PARP8: variants seen among roughly 807,000 people sequenced by gnomAD.
PARP8 encodes the protein poly(ADP-ribose) polymerase family member 8, also known as protein mono-ADP-ribosyltransferase PARP8.
Under a neutral mutation model 124.1 loss-of-function variants are expected in PARP8, and 51 were observed. The observed-to-expected ratio is 0.41, with a 90% CI of 0.33 to 0.52. The LOEUF is 0.52. PARP8 is among the 20% of genes least tolerant of loss of function. PARP8 has a pLI of 0.21. For synonymous variants in PARP8, 391 were observed against 361.5 expected (o/e 1.08, Z -0.93); for missense variants, 860 against 1,018.9 (o/e 0.84, Z 2.12).
intron 2 of PARP8, among the ~76,000 whole-genome samples, chr5:50,722,186 A>G (rs1397944222): frequency 6.6e-6 from 1 of 152,228 alleles, no homozygotes; most frequent in Admixed American, 6.6e-5. Flanking sequence ...TTAAAATTAT[A>G]TATAGTTGTT....
At chr5:50,712,885 A>T (rs1754916250) in intron 2 of PARP8, among the ~76,000 whole-genome samples, 1 of 150,202 alleles carries the variant, frequency 6.7e-6, no homozygotes, top group African/African-American at 2.5e-5. Flanking sequence ...GCTTGATTTT[A>T]TTGTGTTTAG....
At chr5:50,748,585 G>T (rs1252198058) in intron 2 of PARP8, among the ~76,000 whole-genome samples, 1 of 152,102 alleles carries the variant, frequency 6.6e-6, no homozygotes, top group Non-Finnish European at 1.5e-5. Flanking sequence ...TTATCTGAAA[G>T]TTGTTTTATT....
At chr5:50,824,073 G>T (rs771120197) in intron 17 of PARP8, among the ~76,000 whole-genome samples, 8 of 152,166 alleles carry the variant, frequency 5.3e-5, no homozygotes, top group Non-Finnish European at 1.0e-4. Flanking sequence ...AAATTGTCAC[G>T]GAGAGATTGC....
intron 2 of PARP8, among the ~76,000 whole-genome samples, chr5:50,696,065 A>G (rs1752992140): frequency 6.6e-6 from 1 of 152,198 alleles, no homozygotes; most frequent in Admixed American, 6.5e-5. Context: ...AGGAGAGAGT[A>G]AAGATTTTGC....
chr5:50,814,418 T>G (rs1744852864), intron 14 of PARP8, among the ~76,000 whole-genome samples: 1 of 152,144 alleles, frequency 6.6e-6, no homozygotes, highest in Non-Finnish European at 1.5e-5. Flanking sequence ...GATGAAGAAC[T>G]TTCTCTACTT....
chr5:50,843,305 A>G lies in PARP8; in HGVS notation c.*1237A>G, dbSNP rs987252404. On this transcript the variant is annotated 3_prime_UTR_variant, in exon 26 of 26. Transcript: ENST00000281631. ...TTGGAATAAGGCCATTCATGAAAGCAGTTTAATTAGTGAGTCTGCCACTCT... is the reference window on the plus strand; with the variant it reads ...TTGGAATAAGGCCATTCATGAAAGCGGTTTAATTAGTGAGTCTGCCACTCT... 3.3e-5 allele frequency: 5 copies of G among 151,756 alleles called. No homozygotes were observed. In the Admixed American group the frequency reaches 3.3e-4, roughly 10 times the overall value. 9.4% of individuals were successfully genotyped at this position (151,756 alleles called of 1,614,324 possible).
Position 50,829,872 on chromosome 5 carries a change from T to C in PARP8, c.2164-20T>C, listed in dbSNP as rs769850866. The stretch of plus-strand genomic sequence containing the variant: ...AACCATGAACAGACCTCTCTCTCTC[T>C]CCCACTCTTCCCATCTTAGCTCCAT... On this transcript the variant is annotated intron_variant, in intron 21 of 25. Transcript: ENST00000281631. 20 of 1,590,360 alleles carry C rather than the reference T, an allele frequency of 1.3e-5. No individual in the cohort carries two copies. The highest frequency in any genetic ancestry group is 1.6e-5 in the Non-Finnish European group (19 of 1,167,184).
rs1357750066 is a variant in PARP8, at chr5:50,843,179, A to G, written c.*1111A>G. On this transcript the variant is annotated 3_prime_UTR_variant, in exon 26 of 26. Coordinates refer to ENST00000281631, the MANE Select transcript of PARP8 (RefSeq NM_024615.4). ...CACCAGCTCTCAGCATTTCCTTTTCAAGAGTCATAATTTCATCAAAATCAT... is the reference window on the plus strand; with the variant it reads ...CACCAGCTCTCAGCATTTCCTTTTCGAGAGTCATAATTTCATCAAAATCAT... 2.0e-5 allele frequency: 3 copies of G among 151,864 alleles called. No individual in the cohort carries two copies. In the East Asian group the frequency reaches 5.8e-4, roughly 29 times the overall value. The allele number at this position is 151,864 out of a possible 1,614,324, so 9.4% of individuals were successfully genotyped here. A position where few individuals can be genotyped will look rare whatever the true frequency, so the allele number is the denominator to read the frequency against.
intron 2 of PARP8, among the ~76,000 whole-genome samples, chr5:50,671,688 A>AT (rs1389056985): frequency 1.3e-5 from 2 of 152,014 alleles, no homozygotes; most frequent in African/African-American, 4.8e-5. Flanking sequence ...GAGACCTCAC[A>AT]TTTTTTTCAC....
Position 50,759,788 on chromosome 5 carries a change from TTTTGTTTG to T in PARP8, c.274+68_274+75del, listed in dbSNP as rs528102018. 393 of 1,494,164 alleles carry T rather than the reference TTTTGTTTG, an allele frequency of 2.6e-4. 4 individuals carry two copies. In the African/African-American group the frequency reaches 5.3e-3, roughly 20 times the overall value. 92.6% of individuals were successfully genotyped at this position (1,494,164 alleles called of 1,614,324 possible). A position where few individuals can be genotyped will look rare whatever the true frequency, so the allele number is the denominator to read the frequency against. On this transcript the variant is annotated intron_variant, in intron 4 of 25. Transcript: ENST00000281631. ...TAATTTTTTAAATTGCATTATCTTT[TTTTGTTTG>T]TTTGTTTGTTTCATTTAGCCAGTAA... is the stretch of plus-strand genomic sequence containing the variant.
intron 17 of PARP8, among the ~76,000 whole-genome samples, chr5:50,822,760 A>G (rs1745903588): frequency 6.6e-6 from 1 of 152,232 alleles, no homozygotes; most frequent in Non-Finnish European, 1.5e-5. Flanking sequence ...TATTAAAAAC[A>G]GAAATGTTCT....
At chr5:50,721,082 GTTT>G (rs79339701) in intron 2 of PARP8, among the ~76,000 whole-genome samples, 1 of 137,166 alleles carries the variant, frequency 7.3e-6, no homozygotes. Context: ...TAAAATAATT[GTTT>G]TTTTTTTTTT....
intron 7 of PARP8, among the ~76,000 whole-genome samples, chr5:50,771,500 A>C (rs1284928715): frequency 6.6e-6 from 1 of 152,216 alleles, no homozygotes; most frequent in Non-Finnish European, 1.5e-5. Flanking sequence ...GAGAAAGCAC[A>C]CAGGCTACCT....
intron 7 of PARP8, among the ~76,000 whole-genome samples, chr5:50,770,901 A>G (rs1001538546): frequency 2.6e-5 from 4 of 152,064 alleles, no homozygotes; most frequent in Non-Finnish European, 1.5e-5. Flanking sequence ...TACTTTCTGT[A>G]TACTTTCATA....
At chr5:50,832,303 G>A (rs1747072331) in intron 22 of PARP8, among the ~76,000 whole-genome samples, 1 of 152,094 alleles carries the variant, frequency 6.6e-6, no homozygotes, top group Non-Finnish European at 1.5e-5. Flanking sequence ...GCTAAAATTT[G>A]TGAATATTAC....
Position 50,794,792 on chromosome 5 carries a change from T to A in PARP8, c.864-61T>A, listed in dbSNP as rs1742341853. ...ACAGTCGAGTTTGAGCATGACAAGC[T>A]TTCTTCATGGTCTGATGTACCTGTG... is the stretch of plus-strand genomic sequence containing the variant. On this transcript the variant is annotated intron_variant, in intron 11 of 25. Coordinates refer to ENST00000281631, the MANE Select transcript of PARP8 (RefSeq NM_024615.4). 10 of 1,431,324 alleles carry A rather than the reference T, an allele frequency of 7.0e-6. No individual in the cohort carries two copies. The Admixed American group carries it at 1.1e-4, about 16-fold the overall frequency. The allele number at this position is 1,431,324 out of a possible 1,614,324, so 88.7% of individuals were successfully genotyped here.
At chr5:50,788,866 A>G (rs1741616087) in intron 10 of PARP8, among the ~76,000 whole-genome samples, 1 of 152,132 alleles carries the variant, frequency 6.6e-6, no homozygotes, top group Non-Finnish European at 1.5e-5. Flanking sequence ...CTGTGTGGAC[A>G]CAGGCTCTGA....
At chr5:50,773,555 T>C (rs957846406) in intron 7 of PARP8, among the ~76,000 whole-genome samples, 3 of 152,242 alleles carry the variant, frequency 2.0e-5, no homozygotes, top group African/African-American at 7.2e-5. Flanking sequence ...GCTGGTCCCA[T>C]GCTGTTTTGG....
chr5:50,835,037 T>C, intron 25 of PARP8, 22 bp downstream of exon 25: 1 of 1,595,826 alleles, frequency 6.3e-7, no homozygotes, highest in Non-Finnish European at 8.6e-7. Context: ...TGCTCAAATT[T>C]GTATATTACT....
Sources: gnomAD v4.1 joint callset for allele counts (sites outside exome capture counted in the v4.1 genomes callset) on GRCh38, gnomAD v4.1.1 for gene constraint, MANE v1.5 for transcripts, NCBI Gene and HGNC (gene_info 2026-07-23, HGNC 2026-07-21) for gene names.